TKT: variants seen among roughly 807,000 people sequenced by gnomAD.
TKT encodes transketolase.
TKT carries 47 observed loss-of-function variants against 63.9 expected under a neutral mutation model. That is an observed-to-expected ratio of 0.74 (90% CI 0.58 to 0.94). The LOEUF (loss-of-function observed/expected upper bound fraction) is 0.94, where lower values mean the gene tolerates loss of function less well. Among genes scored for constraint, TKT ranks in the 40% least tolerant of loss-of-function variants. TKT has a pLI of 0.00. For missense variants in TKT, 721 were observed against 846.2 expected (o/e 0.85, Z 1.84); for synonymous variants, 338 against 334.1 (o/e 1.01, Z -0.13).
chr3:53,246,571 G>C (rs1273197864), intron 1 of TKT, among the ~76,000 whole-genome samples: 2 of 152,164 alleles, frequency 1.3e-5, no homozygotes, highest in Admixed American at 1.3e-4. Flanking sequence ...AAGGAAAACA[G>C]GCCAGGTGCG....
At position 53,233,291 on chromosome 3, in the gene TKT, G is replaced by A. The variant is rs375781871; in HGVS notation, c.630-17C>T. ...GCATGCCAACTGGGGACAGGGGGCA[G>A]AGAGTAAGGGGCAATTCCCAGGGGC... On this transcript the variant is annotated splice_polypyrimidine_tract_variant and intron_variant, in intron 5 of 13. Transcript: ENST00000462138. 9.3e-5 allele frequency: 149 copies of A among 1,595,192 alleles called. No individual in the cohort carries two copies. The highest frequency in any genetic ancestry group is 1.2e-4 in the Non-Finnish European group (140 of 1,168,196).
intron 7 of TKT, 83 bp downstream of exon 7, chr3:53,231,274 C>T: frequency 6.7e-7 from 1 of 1,497,822 alleles, no homozygotes. Flanking sequence ...CTCCCTTTCC[C>T]AGCCCTCCAG....
chr3:53,255,472 C>G (rs1336316530), intron 1 of TKT, among the ~76,000 whole-genome samples: 3 of 152,176 alleles, frequency 2.0e-5, no homozygotes, highest in Non-Finnish European at 2.9e-5. Flanking sequence ...TTCTGTAGAA[C>G]AGCAGTAATG....
In TKT at chr3:53,230,440, C is replaced by G; in HGVS notation, c.1107+17G>C. On this transcript the variant is annotated intron_variant, in intron 8 of 13. Transcript: ENST00000462138. Reference sequence around the variant, plus strand: ...TCAGCCTTGGGTGGACCTGTCCCTGCCGGCCCCAGCACCTACCATGTTCTG... The same window carrying G: ...TCAGCCTTGGGTGGACCTGTCCCTGGCGGCCCCAGCACCTACCATGTTCTG... 1.9e-6 allele frequency: 3 copies of G among 1,614,068 alleles called. No homozygotes were observed. Among genetic ancestry groups the G allele is most frequent in the South Asian group, 2.2e-5 (2 of 91,072 alleles).
At chr3:53,243,734 G>A (rs1015365398) in intron 1 of TKT, 22 of 421,130 alleles carry the variant, frequency 5.2e-5, no homozygotes, top group Admixed American at 4.0e-4. Flanking sequence ...CTAATCCCAC[G>A]CTCCCAGGGC....
chr3:53,225,804 G>A lies in TKT; in HGVS notation c.1824C>T (p.Asp608=), dbSNP rs782102809. ...TCACAGCTTGTGCAATGGCATCCCT[G>A]TCGATACCAAACATCTTCAGCAGCT... ...PAELLKMFGI[D]RDAIAQAVRG... The change falls in exon 14 of 14, where the codon GAC becomes GAT. Residue 608 remains aspartate, a synonymous_variant. Coordinates refer to ENST00000462138, the MANE Select transcript of TKT (RefSeq NM_001064.4). 1.2e-6 allele frequency: 2 copies of A among 1,613,940 alleles called. No individual in the cohort carries two copies. Among genetic ancestry groups the A allele is most frequent in the East Asian group, 2.2e-5 (1 of 44,892 alleles).
In TKT at chr3:53,242,178, A is replaced by G. The variant is rs1186862306; in HGVS notation, c.172T>C (p.Tyr58His). 1.5e-5 allele frequency: 24 copies of G among 1,614,060 alleles called. No individual in the cohort carries two copies. Among genetic ancestry groups the G allele is most frequent in the Non-Finnish European group, 1.9e-5 (22 of 1,180,002 alleles). The change falls in exon 2 of 14, where the codon TAC becomes CAC. Residue 58 changes from tyrosine to histidine, a missense_variant. Transcript: ENST00000462138. ...GGATTCCGGGGGTCCTGGGACTTGT[A>G]GCGCATGGTGTGGAAAAAGAGGACA... ...MAVLFFHTMR[Y>H]KSQDPRNPHN...
chr3:53,228,873 C>A, intron 10 of TKT, 134 bp downstream of exon 10: 1 of 1,309,758 alleles, frequency 7.6e-7, no homozygotes, highest in Non-Finnish European at 1.0e-6. Flanking sequence ...CTAACTTCCA[C>A]AAGCTACACG....
chr3:53,227,992 G>T, intron 12 of TKT, 64 bp downstream of exon 12: 1 of 1,397,348 alleles, frequency 7.2e-7, no homozygotes, highest in Non-Finnish European at 1.0e-6. Flanking sequence ...ACGAAAGAAA[G>T]AACCCCAAGA....
intron 2 of TKT, 113 bp from the exon 3 acceptor site, chr3:53,241,358 C>T: frequency 1.2e-6 from 1 of 840,270 alleles, no homozygotes; most frequent in Non-Finnish European, 1.8e-6. Flanking sequence ...CTGCAGCATC[C>T]ATTTCAGGGG....
chr3:53,253,542 G>A (rs1333089016), intron 1 of TKT, among the ~76,000 whole-genome samples: 1 of 152,206 alleles, frequency 6.6e-6, no homozygotes, highest in Non-Finnish European at 1.5e-5. Flanking sequence ...AGGCCGAGGT[G>A]GGTGGATCAC....
chr3:53,231,257 C>T (rs1206217369), intron 7 of TKT, 100 bp downstream of exon 7: 13 of 1,348,796 alleles, frequency 9.6e-6, no homozygotes, highest in Admixed American at 2.1e-5. Context: ...CTAAATGAAT[C>T]GCTCTCCTCC....
chr3:53,235,037 G>A lies in TKT; in HGVS notation c.575C>T (p.Pro192Leu), dbSNP rs549160877. The change falls in exon 5 of 14, where the codon CCG (proline) becomes CTG (leucine). Residue 192 changes from proline to leucine, a missense_variant. Coordinates refer to ENST00000462138, the MANE Select transcript of TKT (RefSeq NM_001064.4). ...GTCCATCTGGTGCTGCAGTGGGGCC[G>A]GGTCACTCTGGCCCAGGCGATTGAT... The part of the protein sequence containing the change: ...LDINRLGQSD[P>L]APLQHQMDIY... The A allele has an allele frequency of 7.8e-5, 126 of 1,613,910 alleles. 1 individual carries two copies. Among genetic ancestry groups the A allele is most frequent in the South Asian group, 2.6e-4 (24 of 91,056 alleles).
At chr3:53,231,116 G>A (rs528105212) in intron 7 of TKT, among the ~76,000 whole-genome samples, 2 of 152,200 alleles carry the variant, frequency 1.3e-5, no homozygotes, top group East Asian at 1.9e-4. Context: ...TCTCAGTTCT[G>A]TCAGTAGCTT....
intron 12 of TKT, 193 bp from the exon 13 acceptor site, chr3:53,227,071 TG>T: frequency 1.6e-6 from 1 of 632,324 alleles, no homozygotes; most frequent in Non-Finnish European, 2.6e-6. Flanking sequence ...CCCCTTGCAC[TG>T]GGGCATCTGG....
chr3:53,244,438 C>G (rs1373584144), intron 1 of TKT, among the ~76,000 whole-genome samples: 1 of 152,132 alleles, frequency 6.6e-6, no homozygotes, highest in Non-Finnish European at 1.5e-5. Flanking sequence ...ATGCACAGTA[C>G]CCAGGTCTCT....
chr3:53,228,455 C>T (rs1331082354), intron 10 of TKT, 96 bp from the exon 11 acceptor site: 3 of 1,384,992 alleles, frequency 2.2e-6, no homozygotes, highest in Admixed American at 1.7e-5. Flanking sequence ...CCCATGGGAG[C>T]GTTAGTTACT....
intron 1 of TKT, among the ~76,000 whole-genome samples, chr3:53,251,825 C>A (rs1303012802): frequency 6.6e-6 from 1 of 152,038 alleles, no homozygotes; most frequent in Non-Finnish European, 1.5e-5. Context: ...CACAGCAAGA[C>A]CCTGTCTTAA....
rs146961953 is a variant in TKT, at chr3:53,228,762, C to T, written c.1395+245G>A. ...GGTGGAGAGGTGTCAACCGCTGGAC[C>T]GGCCAGGGCTGCCAGGATTCTCAGC... On this transcript the variant is annotated intron_variant, in intron 10 of 13. Transcript: ENST00000462138. 1.2e-3 allele frequency: 680 copies of T among 589,336 alleles called. 5 individuals carry two copies. Among genetic ancestry groups the T allele is most frequent in the African/African-American group, 0.011 (581 of 53,688 alleles). 36.5% of individuals were successfully genotyped at this position (589,336 alleles called of 1,614,324 possible). A position where few individuals can be genotyped will look rare whatever the true frequency, so the allele number is the denominator to read the frequency against.
Sources: gnomAD v4.1 joint callset for allele counts (sites outside exome capture counted in the v4.1 genomes callset) on GRCh38, gnomAD v4.1.1 for gene constraint, MANE v1.5 for transcripts, NCBI Gene and HGNC (gene_info 2026-07-23, HGNC 2026-07-21) for gene names.